The following PCED1B variants were observed in gnomAD, a reference collection of about 807,000 sequenced individuals.
PCED1B encodes PC-esterase domain containing 1B.
For synonymous variants in PCED1B, 251 were observed against 246.1 expected, an observed-to-expected ratio of 1.02 and a Z score of -0.19; for missense variants, 573 against 573.9, an observed-to-expected ratio of 1.00 and a Z score of 0.02.
intron 2 of PCED1B, among the ~76,000 whole-genome samples, chr12:47,166,280 A>T (rs1941542669): frequency 6.6e-6 from 1 of 152,202 alleles, no homozygotes. Flanking sequence ...TTTCACTTCC[A>T]TGACTTTGGT....
At chr12:47,230,781 G>A (rs1477210076) in intron 3 of PCED1B, among the ~76,000 whole-genome samples, 1 of 152,188 alleles carries the variant, frequency 6.6e-6, no homozygotes, top group Non-Finnish European at 1.5e-5. Context: ...TGTGTTCAGT[G>A]TAACTTGGAG....
chr12:47,117,438 A>G (rs1939473180), intron 2 of PCED1B, among the ~76,000 whole-genome samples: 1 of 152,120 alleles, frequency 6.6e-6, no homozygotes, highest in Non-Finnish European at 1.5e-5. Flanking sequence ...ATGAGTGAGA[A>G]CATGCAGTGT....
At chr12:47,128,653 A>G (rs1939996934) in intron 2 of PCED1B, among the ~76,000 whole-genome samples, 1 of 152,244 alleles carries the variant, frequency 6.6e-6, no homozygotes, top group African/African-American at 2.4e-5. Context: ...TCTCAGCAGT[A>G]AAATAAAAGA....
chr12:47,227,628 T>C (rs942408485), intron 3 of PCED1B, among the ~76,000 whole-genome samples: 4 of 151,346 alleles, frequency 2.6e-5, no homozygotes, highest in Non-Finnish European at 5.9e-5. Flanking sequence ...GCGAGGTGAG[T>C]GGATCACTTG....
Position 47,214,146 on chromosome 12 carries a change from G to T in PCED1B, c.-525-2076G>T, listed in dbSNP as rs832725. On this transcript the variant is annotated intron_variant, in intron 2 of 3. Coordinates refer to ENST00000546455, the MANE Select transcript of PCED1B (RefSeq NM_138371.3). ...CTGCCTTGATTCTATTAAATTTCCC[G>T]GTAATGACTGTACTAAAACTCATGG... Among the ~76,000 whole-genome samples the T allele has an allele frequency of 1.6e-4, 25 of 152,076 alleles. No individual in the cohort carries two copies. In the South Asian group the frequency reaches 5.2e-3, roughly 32 times the overall value.
At chr12:47,185,837 A>C (rs918849127) in intron 2 of PCED1B, among the ~76,000 whole-genome samples, 1 of 152,206 alleles carries the variant, frequency 6.6e-6, no homozygotes, top group African/African-American at 2.4e-5. Context: ...AAGACAGATT[A>C]ACAAGAGAAA....
At position 47,213,619 on chromosome 12, in the gene PCED1B, A is replaced by G. The variant is rs76655959; in HGVS notation, c.-525-2603A>G. 1.0e-3 allele frequency among the ~76,000 whole-genome samples: 153 copies of G among 152,380 alleles called. 2 individuals are homozygous for G. In the East Asian group the frequency reaches 0.024, roughly 24 times the overall value. On this transcript the variant is annotated intron_variant, in intron 2 of 3. Coordinates refer to ENST00000546455, the MANE Select transcript of PCED1B (RefSeq NM_138371.3). ...GCAAAGTTTAAATTTCTCTGTGGCT[A>G]TAACTACTAATGAGCTGCTAATAGT...
intron 2 of PCED1B, among the ~76,000 whole-genome samples, chr12:47,182,953 A>G (rs1480666603): frequency 6.6e-6 from 1 of 152,222 alleles, no homozygotes; most frequent in Admixed American, 6.5e-5. Flanking sequence ...TTACTGGGAT[A>G]GACAGAGTTT....
At chr12:47,102,733 A>G (rs957514087) in intron 1 of PCED1B, among the ~76,000 whole-genome samples, 15 of 152,220 alleles carry the variant, frequency 9.9e-5, no homozygotes, top group African/African-American at 3.6e-4. Flanking sequence ...CCCACTTTAT[A>G]GGATTGATTA....
At chr12:47,170,496 T>C (rs1941693771) in intron 2 of PCED1B, among the ~76,000 whole-genome samples, 1 of 144,662 alleles carries the variant, frequency 6.9e-6, no homozygotes, top group African/African-American at 2.7e-5. Context: ...ACCTCCCGGA[T>C]GGGGCGGCGG....
intron 2 of PCED1B, among the ~76,000 whole-genome samples, chr12:47,128,495 A>C (rs1358415471): frequency 6.6e-6 from 1 of 152,204 alleles, no homozygotes; most frequent in Non-Finnish European, 1.5e-5. Context: ...GATCTACCCA[A>C]ATATTCTGCT....
At chr12:47,082,837 AAGAC>A (rs1427533178) in intron 1 of PCED1B, among the ~76,000 whole-genome samples, 6 of 152,042 alleles carry the variant, frequency 3.9e-5, no homozygotes, top group African/African-American at 1.5e-4. Flanking sequence ...ATGGGTTGCC[AAGAC>A]AGATGGTTGA....
intron 2 of PCED1B, among the ~76,000 whole-genome samples, chr12:47,146,725 T>G (rs1036539380): frequency 6.6e-6 from 1 of 152,248 alleles, no homozygotes; most frequent in Non-Finnish European, 1.5e-5. Flanking sequence ...AAGTATAGTG[T>G]AAACATAACT....
At chr12:47,107,648 G>A (rs908814195) in intron 2 of PCED1B, among the ~76,000 whole-genome samples, 3 of 152,176 alleles carry the variant, frequency 2.0e-5, no homozygotes, top group African/African-American at 7.2e-5. Context: ...CAGGCAGACG[G>A]GGCTGGCAGT....
chr12:47,125,580 C>G (rs1478782253), intron 2 of PCED1B, among the ~76,000 whole-genome samples: 2 of 151,922 alleles, frequency 1.3e-5, no homozygotes, highest in African/African-American at 4.8e-5. Context: ...TGTGTTCAAT[C>G]TATACATCAA....
chr12:47,214,145 C>T (rs1019439535), intron 2 of PCED1B, among the ~76,000 whole-genome samples: 4 of 152,056 alleles, frequency 2.6e-5, no homozygotes, highest in South Asian at 2.1e-4. Flanking sequence ...TTAAATTTCC[C>T]GGTAATGACT....
intron 2 of PCED1B, among the ~76,000 whole-genome samples, chr12:47,189,679 A>G (rs1007683132): frequency 6.6e-6 from 1 of 152,210 alleles, no homozygotes; most frequent in African/African-American, 2.4e-5. Flanking sequence ...CCATGGACTT[A>G]TTAGCACACT....
chr12:47,117,846 C>A (rs1939496093), intron 2 of PCED1B, among the ~76,000 whole-genome samples: 1 of 152,164 alleles, frequency 6.6e-6, no homozygotes, highest in Non-Finnish European at 1.5e-5. Context: ...TCTCCACATC[C>A]TCTCCAGCAC....
intron 2 of PCED1B, among the ~76,000 whole-genome samples, chr12:47,130,534 T>G (rs1313458271): frequency 1.3e-5 from 2 of 151,914 alleles, no homozygotes; most frequent in Non-Finnish European, 2.9e-5. Context: ...TAAAATAATT[T>G]TACAATTAGC....
Sources: gnomAD v4.1 joint callset for allele counts (sites outside exome capture counted in the v4.1 genomes callset) on GRCh38, gnomAD v4.1.1 for gene constraint, MANE v1.5 for transcripts, NCBI Gene and HGNC (gene_info 2026-07-23, HGNC 2026-07-21) for gene names.